The following FRMD6 variants were observed in gnomAD, a reference collection of about 807,000 sequenced individuals.
FRMD6 encodes the protein FERM domain containing 6, also known as FERM domain-containing protein 6.
Under a neutral mutation model 73.2 loss-of-function variants are expected in FRMD6, and 37 were observed. The observed-to-expected ratio is 0.51, with a 90% CI of 0.39 to 0.66. The LOEUF (loss-of-function observed/expected upper bound fraction) is 0.66, where lower values mean the gene tolerates loss of function less well. Among genes scored for constraint, FRMD6 ranks in the 30% least tolerant of loss-of-function variants. The probability of loss-of-function intolerance (pLI) is 0.00; values close to 1 mark genes in which losing one functional copy is unlikely to be tolerated. For missense variants in FRMD6, 714 were observed against 780.5 expected (o/e 0.91, Z 1.02); for synonymous variants, 273 against 282.2 (o/e 0.97, Z 0.33).
In FRMD6 at chr14:51,623,285, G is replaced by A. The variant is rs529126018; in HGVS notation, c.-147+52875G>A. On this transcript the variant is annotated intron_variant, in intron 2 of 14. Transcript: ENST00000356218. Reference sequence around the variant, plus strand: ...TGTTAAGAAATGAAATGAGATTATCGCATTGGAGAATCTCCTCCTCAATGA... The same window carrying A: ...TGTTAAGAAATGAAATGAGATTATCACATTGGAGAATCTCCTCCTCAATGA... 4.3e-4 allele frequency among the ~76,000 whole-genome samples: 66 copies of A among 152,212 alleles called. No individual in the cohort carries two copies. The South Asian group carries it at 9.7e-3, about 22-fold the overall frequency.
intron 1 of FRMD6, among the ~76,000 whole-genome samples, chr14:51,674,605 T>C (rs184340421): frequency 6.6e-6 from 1 of 152,040 alleles, no homozygotes; most frequent in Admixed American, 6.6e-5. Context: ...TGATTTGGGG[T>C]TTTCTTTTTT....
At chr14:51,632,990 T>C (rs1482022805) in intron 2 of FRMD6, among the ~76,000 whole-genome samples, 2 of 152,224 alleles carry the variant, frequency 1.3e-5, no homozygotes, top group Non-Finnish European at 2.9e-5. Context: ...TCTGGTTATA[T>C]AACAAAATGG....
In FRMD6 at chr14:51,716,723, T is replaced by C. The variant is rs1282413978; in HGVS notation, c.1024+1224T>C. 2.6e-5 allele frequency among the ~76,000 whole-genome samples: 4 copies of C among 152,350 alleles called. No individual in the cohort carries two copies. In the East Asian group the frequency reaches 5.8e-4, roughly 22 times the overall value. On this transcript the variant is annotated intron_variant, in intron 10 of 13. Transcript: ENST00000344768. ...AGAGAATTGGTATAACTGTCAGGTG[T>C]ATTGGCTTCAGCTGCTGCTAGACTG... is the stretch of plus-strand genomic sequence containing the variant.
At chr14:51,442,358 T>C in the FRMD6 span, among the ~76,000 whole-genome samples, 1 of 152,118 alleles carries the variant, frequency 6.6e-6, no homozygotes, top group Non-Finnish European at 1.5e-5. Context: ...TTCTCTCACA[T>C]ATACACATGT....
At chr14:51,617,801 C>G (rs116313325) in intron 2 of FRMD6, among the ~76,000 whole-genome samples, 1 of 152,064 alleles carries the variant, frequency 6.6e-6, no homozygotes, top group African/African-American at 2.4e-5. Context: ...ACTTATTTTT[C>G]TTCTTTAAAC....
At chr14:51,535,093 T>C (rs957891035) in intron 1 of FRMD6, among the ~76,000 whole-genome samples, 4 of 152,236 alleles carry the variant, frequency 2.6e-5, no homozygotes, top group African/African-American at 4.8e-5. Flanking sequence ...AAGGACATTT[T>C]GAGCCTATTC....
chr14:51,436,283 G>T, the FRMD6 span: 1 of 370,924 alleles, frequency 2.7e-6, no homozygotes, highest in South Asian at 3.1e-5. Context: ...TTTCTCAGAA[G>T]AGGTCAGAAT....
chr14:51,434,795 C>A, the FRMD6 span, among the ~76,000 whole-genome samples: 1 of 152,110 alleles, frequency 6.6e-6, no homozygotes, highest in African/African-American at 2.4e-5. Context: ...GCATGCATCA[C>A]CTTACCCAAG....
chr14:51,485,295 G>A (rs1882741476), upstream of FRMD6, among the ~76,000 whole-genome samples: 1 of 152,134 alleles, frequency 6.6e-6, no homozygotes, highest in South Asian at 2.1e-4. Context: ...TTTCTTCCCT[G>A]TCTCTCTGTG....
chr14:51,486,569 A>T (rs1882764821), upstream of FRMD6, among the ~76,000 whole-genome samples: 1 of 152,254 alleles, frequency 6.6e-6, no homozygotes, highest in South Asian at 2.1e-4. Context: ...AAAAAATAAA[A>T]GACCAGAATA....
chr14:51,527,897 G>C (rs997930032), intron 1 of FRMD6, among the ~76,000 whole-genome samples: 1 of 152,126 alleles, frequency 6.6e-6, no homozygotes, highest in Non-Finnish European at 1.5e-5. Context: ...AGGCTCAGTG[G>C]GGCCAGGCTG....
At chr14:51,458,043 TG>T in the FRMD6 span, among the ~76,000 whole-genome samples, 1 of 152,220 alleles carries the variant, frequency 6.6e-6, no homozygotes, top group Non-Finnish European at 1.5e-5. Flanking sequence ...CCTTGGAATG[TG>T]GGCCAGATAA....
rs1351791539 is a variant in FRMD6 at position 51,558,288 on chromosome 14, C to T, written c.-209-12060C>T. Among the ~76,000 whole-genome samples the T allele has an allele frequency of 4.6e-5, 7 of 151,892 alleles. No homozygotes were observed. The South Asian group carries it at 1.0e-3, about 23-fold the overall frequency. ...TTTGAGACCAGCCTGGCCAACATGG[C>T]GAAACCCTGTCTCTACTAAAAATAC... On this transcript the variant is annotated intron_variant, in intron 1 of 14. Transcript: ENST00000356218.
the FRMD6 span, among the ~76,000 whole-genome samples, chr14:51,443,845 T>A: frequency 6.6e-6 from 1 of 152,064 alleles, no homozygotes; most frequent in Non-Finnish European, 1.5e-5. Flanking sequence ...AATAGAGAAA[T>A]AACAAACATC....
Position 51,505,770 on chromosome 14 carries a change from C to T in FRMD6, c.-210+16350C>T, listed in dbSNP as rs187069706. ...CCAAGCCTTTTTGAATGTCCCCCCT[C>T]GACTCGATCACCCTTTCCAGAGGTT... On this transcript the variant is annotated intron_variant, in intron 1 of 14. Coordinates refer to the FRMD6 transcript ENST00000356218. 2.0e-4 allele frequency among the ~76,000 whole-genome samples: 31 copies of T among 152,270 alleles called. 1 individual carries two copies. Among genetic ancestry groups the T allele is most frequent in the Admixed American group, 7.2e-4 (11 of 15,298 alleles).
At chr14:51,640,974 T>C (rs1050122188) in intron 2 of FRMD6, among the ~76,000 whole-genome samples, 1 of 149,476 alleles carries the variant, frequency 6.7e-6, no homozygotes, top group African/African-American at 2.5e-5. Context: ...ATAACTTTCC[T>C]TTTTTTTTTC....
At chr14:51,685,809 G>A (rs1895110787) in intron 1 of FRMD6, among the ~76,000 whole-genome samples, 1 of 128,948 alleles carries the variant, frequency 7.8e-6, no homozygotes, top group African/African-American at 3.0e-5. Context: ...ATAGGTGGAG[G>A]GGGAGTATCT....
chr14:51,613,551 G>A (rs902115996), intron 2 of FRMD6, among the ~76,000 whole-genome samples: 39 of 152,168 alleles, frequency 2.6e-4, no homozygotes, highest in Non-Finnish European at 4.4e-4. Flanking sequence ...GGATCAATGT[G>A]TATCTGAAAA....
intron 2 of FRMD6, among the ~76,000 whole-genome samples, chr14:51,631,430 C>G (rs1242168679): frequency 2.6e-5 from 4 of 152,020 alleles, no homozygotes; most frequent in Non-Finnish European, 4.4e-5. Flanking sequence ...ATATGGTCAT[C>G]GAAAGAGGAA....
Sources: gnomAD v4.1 joint callset for allele counts (sites outside exome capture counted in the v4.1 genomes callset) on GRCh38, gnomAD v4.1.1 for gene constraint, MANE v1.5 for transcripts, NCBI Gene and HGNC (gene_info 2026-07-23, HGNC 2026-07-21) for gene names.